The following POLQ variants were observed in gnomAD, a reference collection of about 807,000 sequenced individuals.
The protein encoded by POLQ is epididymis secretory sperm binding protein.
In POLQ, 233 loss-of-function variants were observed where a neutral mutation model predicts 259.2. The ratio of observed to expected loss-of-function variants is 0.90; its 90% CI spans 0.81 to 1.00. The LOEUF (loss-of-function observed/expected upper bound fraction) is 1.00, where lower values mean the gene tolerates loss of function less well. POLQ is among the 50% of genes least tolerant of loss of function. POLQ has a pLI of 0.00. For missense variants in POLQ, 2,871 were observed against 3,051.6 expected (o/e 0.94, Z 1.39); for synonymous variants, 1,025 against 1,048.8 (o/e 0.98, Z 0.44).
chr3:121,539,122 G>A (rs1206450419), intron 4 of POLQ, among the ~76,000 whole-genome samples: 3 of 152,080 alleles, frequency 2.0e-5, no homozygotes, highest in Non-Finnish European at 4.4e-5. Flanking sequence ...GGCAGATCTG[G>A]CCCAGCAGGC....
At chr3:121,531,604 G>A (rs2048412325) in intron 6 of POLQ, among the ~76,000 whole-genome samples, 1 of 152,196 alleles carries the variant, frequency 6.6e-6, no homozygotes, top group African/African-American at 2.4e-5. Flanking sequence ...ATGATCTGAT[G>A]TTCATTTTAA....
chr3:121,495,009 C>G (rs1477034067), intron 14 of POLQ: 1 of 596,288 alleles, frequency 1.7e-6, no homozygotes, highest in African/African-American at 1.9e-5. Flanking sequence ...CAGTGGCTCA[C>G]GCCTGTAATC....
At position 121,488,610 on chromosome 3, in the gene POLQ, G is replaced by A; in HGVS notation, c.4321C>T (p.Gln1441Ter). Reference protein sequence around the residue: ...KKNEVSVTDSQLNSFLQGYQT... With the variant: ...KKNEVSVTDS ...TAACCTTGAAGAAAACTATTTAATT[G>A]TGAATCAGTAACAGAAACTTCATTC... Residue 1441 changes from glutamine to a stop codon, truncating the protein, a stop_gained, in exon 16 of 30, where the codon CAA becomes TAA. Coordinates refer to ENST00000264233, the MANE Select transcript of POLQ (RefSeq NM_199420.4). LOFTEE classifies it high-confidence loss of function. The A allele has an allele frequency of 6.2e-7, 1 of 1,605,786 alleles. No individual in the cohort carries two copies. The highest frequency in any genetic ancestry group is 8.5e-7 in the Non-Finnish European group (1 of 1,177,012).
At chr3:121,522,728 G>A (rs377137816) in intron 7 of POLQ, among the ~76,000 whole-genome samples, 319 of 152,254 alleles carry the variant, frequency 2.1e-3, no homozygotes, top group Non-Finnish European at 3.6e-3. Flanking sequence ...ATTCCAATGT[G>A]CGCCAAAGTT....
chr3:121,525,456 G>A (rs2048366575), intron 7 of POLQ, among the ~76,000 whole-genome samples: 1 of 152,094 alleles, frequency 6.6e-6, no homozygotes, highest in Non-Finnish European at 1.5e-5. Flanking sequence ...GCTGATGAAG[G>A]AGAAACAGAA....
At chr3:121,522,739 TAGGAAAC>T (rs2048346333) in intron 7 of POLQ, among the ~76,000 whole-genome samples, 1 of 152,132 alleles carries the variant, frequency 6.6e-6, no homozygotes, top group East Asian at 1.9e-4. Context: ...CGCCAAAGTT[TAGGAAAC>T]TGTGTAAGGG....
intron 15 of POLQ, among the ~76,000 whole-genome samples, chr3:121,491,769 C>CA (rs2048070564): frequency 6.6e-6 from 1 of 152,070 alleles, no homozygotes; most frequent in Non-Finnish European, 1.5e-5. Context: ...TCCAAGTGGC[C>CA]AGTTAAAAGT....
chr3:121,536,737 T>G (rs921283377), intron 5 of POLQ, among the ~76,000 whole-genome samples: 3 of 152,156 alleles, frequency 2.0e-5, no homozygotes, highest in Admixed American at 1.3e-4. Context: ...CTGGAACTCT[T>G]GGGCTTAAGT....
intron 24 of POLQ, among the ~76,000 whole-genome samples, chr3:121,466,230 T>C (rs1388553581): frequency 6.6e-6 from 1 of 151,552 alleles, no homozygotes; most frequent in Non-Finnish European, 1.5e-5. Context: ...GTCAATTGCA[T>C]TTTCCTACTC....
At chr3:121,499,267 CTTTT>C (rs34141063) in intron 12 of POLQ, among the ~76,000 whole-genome samples, 13 of 135,602 alleles carry the variant, frequency 9.6e-5, no homozygotes, top group Admixed American at 3.0e-4. Context: ...GAACCCAAGT[CTTTT>C]TTTTTTTTTT....
Position 121,433,032 on chromosome 3 carries a change from T to C in POLQ, c.7545A>G (p.Gly2515=), listed in dbSNP as rs199909034. 4 of 1,579,090 alleles carry C rather than the reference T, an allele frequency of 2.5e-6. No individual in the cohort carries two copies. The highest frequency in any genetic ancestry group is 3.5e-6 in the Non-Finnish European group (4 of 1,148,394). ...REGMLQSDQT[G]LSRKRKLQGM... ...CTTGCAGTTTTCTCTTTCGTGACAATCCTACTTCATGAAAAAGGAGCAAAA... is the reference window on the plus strand; with the variant it reads ...CTTGCAGTTTTCTCTTTCGTGACAACCCTACTTCATGAAAAAGGAGCAAAA... Residue 2515 remains glycine (G), a splice_region_variant and synonymous_variant, in exon 29 of 30, where the codon GGA becomes GGG. Transcript: ENST00000264233.
chr3:121,507,880 G>T (rs1396859233), intron 12 of POLQ, among the ~76,000 whole-genome samples: 1 of 151,948 alleles, frequency 6.6e-6, no homozygotes, highest in Non-Finnish European at 1.5e-5. Flanking sequence ...AAGACACGAG[G>T]TCTCTTGCTG....
Position 121,488,648 on chromosome 3 carries a change from A to G in POLQ, c.4283T>C (p.Leu1428Pro), listed in dbSNP as rs2108798062. The G allele has an allele frequency of 6.2e-7, 1 of 1,602,450 alleles. No individual in the cohort carries two copies. The highest frequency in any genetic ancestry group is 8.5e-7 in the Non-Finnish European group (1 of 1,177,226). ...AGAAACTTCATTCTTTTTTAAAAAA[A>G]GACCATTTTCCTCCAATAGTATTGG... ...HSPILLEENG[L>P]FLKKNEVSVT... Residue 1428 changes from leucine to proline, a missense_variant, in exon 16 of 30, where the codon CTT (leucine) becomes CCT (proline). Leu to Pro is a moderately conservative substitution (Grantham distance 98). Around this residue, in one of 3 missense-constraint regions of POLQ, gnomAD observed 2,080 missense variants for 2,126.0 expected, o/e 0.98. Transcript: ENST00000264233.
At chr3:121,482,853 A>G (rs1465991282) in intron 18 of POLQ, among the ~76,000 whole-genome samples, 2 of 152,218 alleles carry the variant, frequency 1.3e-5, no homozygotes, top group East Asian at 3.8e-4. Flanking sequence ...AGTCTGATGT[A>G]AAAGTTAACA....
chr3:121,475,729 C>T (rs958592998), intron 20 of POLQ, among the ~76,000 whole-genome samples: 1 of 152,194 alleles, frequency 6.6e-6, no homozygotes, highest in African/African-American at 2.4e-5. Context: ...GAAGCCAATA[C>T]TATCAAAGGC....
At chr3:121,446,302 CTTGATA>C (rs1222146253) in intron 26 of POLQ, among the ~76,000 whole-genome samples, 1 of 152,100 alleles carries the variant, frequency 6.6e-6, no homozygotes, top group Admixed American at 6.5e-5. Context: ...ACAGTAGATA[CTTGATA>C]TTAACTTTCT....
chr3:121,492,028 C>G (rs2048072667), intron 15 of POLQ, among the ~76,000 whole-genome samples: 1 of 152,104 alleles, frequency 6.6e-6, no homozygotes, highest in Non-Finnish European at 1.5e-5. Flanking sequence ...CACCACCCCC[C>G]TACCCCCACC....
intron 12 of POLQ, among the ~76,000 whole-genome samples, chr3:121,505,987 A>T (rs1324459345): frequency 6.8e-6 from 1 of 146,628 alleles, no homozygotes; most frequent in African/African-American, 2.5e-5. Flanking sequence ...GCACCATTGC[A>T]CTCCAGCCTG....
intron 15 of POLQ, 85 bp from the exon 16 acceptor site, chr3:121,490,493 C>A (rs550786556): frequency 9.3e-7 from 1 of 1,072,992 alleles, no homozygotes; most frequent in African/African-American, 1.6e-5. Context: ...TGAGCTGTTA[C>A]CAGGAACTGA....
Sources: gnomAD v4.1 joint callset for allele counts (sites outside exome capture counted in the v4.1 genomes callset) on GRCh38, gnomAD v4.1.1 for gene constraint, gnomAD v4.1.1 regional missense constraint, MANE v1.5 for transcripts, NCBI Gene and HGNC (gene_info 2026-07-23, HGNC 2026-07-21) for gene names.